The following EFEMP1 variants were observed in gnomAD, a reference collection of about 807,000 sequenced individuals.
EFEMP1 encodes EGF-containing fibulin-like extracellular matrix protein 1.
EFEMP1 carries 18 observed loss-of-function variants against 65.7 expected under a neutral mutation model. The ratio of observed to expected loss-of-function variants is 0.27; its 90% confidence interval spans 0.19 to 0.41. The LOEUF is 0.41. Ranked by LOEUF, EFEMP1 falls within the 10% of genes least tolerant of loss-of-function variation. The pLI, the probability that EFEMP1 is intolerant of heterozygous loss-of-function variation, is 1.00. For synonymous variants in EFEMP1, 237 were observed against 219.7 expected (o/e 1.08, Z -0.70); for missense variants, 469 against 624.8 (o/e 0.75, Z 2.66).
rs1442014392 is a variant in EFEMP1 at position 55,871,608 on chromosome 2, G to T, written c.1001-485C>A. On this transcript the variant is annotated intron_variant, in intron 9 of 11. Transcript: ENST00000355426. The surrounding 1 kb of genome is among the most constrained non-coding windows in gnomAD (Gnocchi z 4.2). ...AGAGGCATCTCAACGTGGCCTTGAA[G>T]GGTGGTGGTTAGATGGAGTTTTCAT... Among the ~76,000 whole-genome samples, 3 of 152,090 alleles carry T rather than the reference G, an allele frequency of 2.0e-5. No individual in the cohort carries two copies. The highest frequency in any genetic ancestry group is 7.2e-5 in the African/African-American group (3 of 41,438).
Position 55,895,666 on chromosome 2 carries a change from G to C in EFEMP1, c.518-13932C>G, listed in dbSNP as rs750474044. On this transcript the variant is annotated intron_variant, in intron 5 of 11. Coordinates refer to ENST00000355426, the MANE Select transcript of EFEMP1 (RefSeq NM_001039348.3). ...ACGCCATTCTCCTGCCTCAGCCTCC[G>C]GAGTAGCTGGGACTACAGGCGCCCG... 2.2e-3 allele frequency among the ~76,000 whole-genome samples: 332 copies of C among 151,108 alleles called. 1 individual carries two copies. Among genetic ancestry groups the C allele is most frequent in the Admixed American group, 6.9e-3 (105 of 15,132 alleles).
intron 6 of EFEMP1, among the ~76,000 whole-genome samples, chr2:55,879,918 G>A (rs955107981): frequency 1.3e-5 from 2 of 152,204 alleles, no homozygotes; most frequent in Non-Finnish European, 1.5e-5. Context: ...GAGAAGTACT[G>A]GCACAGGGGA....
chr2:55,909,841 T>G (rs76526889), intron 5 of EFEMP1, among the ~76,000 whole-genome samples: 6,039 of 152,258 alleles, frequency 0.04, 163 homozygotes, highest in Middle Eastern at 0.085. Context: ...ATTTGATAAC[T>G]CATGGGACAA....
chr2:55,877,333 T>G lies in EFEMP1; in HGVS notation c.760+413A>C, dbSNP rs1669075811. Among the ~76,000 whole-genome samples the G allele has an allele frequency of 6.6e-6, 1 of 152,196 alleles. No homozygotes were observed. Among genetic ancestry groups the G allele is most frequent in the Admixed American group, 6.6e-5 (1 of 15,266 alleles). On this transcript the variant is annotated intron_variant, in intron 7 of 11. Coordinates refer to ENST00000355426, the MANE Select transcript of EFEMP1 (RefSeq NM_001039348.3). This position sits in a 1 kb window ranked among gnomAD's most constrained non-coding sequence, Gnocchi z 4.5. ...AGATTTTTTCCATGTCATGCCAATC[T>G]TTTAATTGTGTGCCGTGACATTGCA...
chr2:55,918,654 C>T (rs569627568), intron 3 of EFEMP1, among the ~76,000 whole-genome samples: 1 of 149,022 alleles, frequency 6.7e-6, no homozygotes, highest in South Asian at 2.2e-4. Context: ...TCCTCGCCCT[C>T]TCCCCCGCCC....
intron 5 of EFEMP1, among the ~76,000 whole-genome samples, chr2:55,893,274 A>G (rs1669701597): frequency 6.6e-6 from 1 of 152,126 alleles, no homozygotes; most frequent in Non-Finnish European, 1.5e-5. Flanking sequence ...TTTTTTTACT[A>G]GCCTTATTAT....
Position 55,883,290 on chromosome 2 carries a change from T to C in EFEMP1, c.518-1556A>G, listed in dbSNP as rs2104394985. On this transcript the variant is annotated intron_variant, in intron 5 of 11. Transcript: ENST00000355426. This position sits in a 1 kb window ranked among gnomAD's most constrained non-coding sequence, Gnocchi z 4.5. ...TATTATAATTACTACTAGTATTATT[T>C]TCAAGTCAGTGATTACAAACTGTCC... 6.6e-6 allele frequency among the ~76,000 whole-genome samples: 1 copy of C among 152,344 alleles called. No individual in the cohort carries two copies. Among genetic ancestry groups the C allele is most frequent in the African/African-American group, 2.4e-5 (1 of 41,592 alleles).
Position 55,877,931 on chromosome 2 carries a change from A to G in EFEMP1, c.641-66T>C. 4 of 1,594,078 alleles carry G rather than the reference A, an allele frequency of 2.5e-6. No homozygotes were observed. Among genetic ancestry groups the G allele is most frequent in the Non-Finnish European group, 1.7e-6 (2 of 1,164,884 alleles). Reference sequence around the variant, plus strand: ...GAATTAGCATTCTCTGAAAAGCATTATCTAGAAAACCTATGTAGAGAAAAT... The same window carrying G: ...GAATTAGCATTCTCTGAAAAGCATTGTCTAGAAAACCTATGTAGAGAAAAT... On this transcript the variant is annotated intron_variant, in intron 6 of 11. Coordinates refer to ENST00000355426, the MANE Select transcript of EFEMP1 (RefSeq NM_001039348.3). The surrounding 1 kb of genome is among the most constrained non-coding windows in gnomAD (Gnocchi z 4.5).
At chr2:55,909,109 A>G (rs1290460394) in intron 5 of EFEMP1, among the ~76,000 whole-genome samples, 1 of 152,188 alleles carries the variant, frequency 6.6e-6, no homozygotes, top group African/African-American at 2.4e-5. Context: ...TTACTGATGG[A>G]CCACACTAAT....
At chr2:55,878,831 G>A (rs965257838) in intron 6 of EFEMP1, among the ~76,000 whole-genome samples, 1 of 152,144 alleles carries the variant, frequency 6.6e-6, no homozygotes, top group African/African-American at 2.4e-5. Flanking sequence ...TCTGTGAGTA[G>A]AATTATTGGG....
At chr2:55,908,520 G>A (rs1218795387) in intron 5 of EFEMP1, among the ~76,000 whole-genome samples, 1 of 152,036 alleles carries the variant, frequency 6.6e-6, no homozygotes, top group Non-Finnish European at 1.5e-5. Flanking sequence ...CTGTTGCATA[G>A]CATAGTGACT....
chr2:55,922,211 A>G lies in EFEMP1; in HGVS notation c.81+149T>C. Reference sequence around the variant, plus strand: ...GGATCAAGGGGGCAATTTACAACGAATCTTAGATATGAAGCATGAATGAAG... The same window carrying G: ...GGATCAAGGGGGCAATTTACAACGAGTCTTAGATATGAAGCATGAATGAAG... On this transcript the variant is annotated intron_variant, in intron 3 of 11. Transcript: ENST00000355426. This position sits in a 1 kb window ranked among gnomAD's most constrained non-coding sequence, Gnocchi z 5.5. The G allele has an allele frequency of 1.3e-6, 1 of 773,076 alleles. No homozygotes were observed. The highest frequency in any genetic ancestry group is 1.5e-5 in the South Asian group (1 of 68,874). The allele number at this position is 773,076 out of a possible 1,614,324, so 47.9% of individuals were successfully genotyped here.
chr2:55,878,271 T>C (rs1344303187), intron 6 of EFEMP1, among the ~76,000 whole-genome samples: 1 of 152,224 alleles, frequency 6.6e-6, no homozygotes, highest in African/African-American at 2.4e-5. Context: ...ACTGGTGACC[T>C]TGGCTAAGTC....
In EFEMP1 at chr2:55,922,161, T is replaced by C. The variant is rs1670926790; in HGVS notation, c.81+199A>G. 1 of 573,356 alleles carries C rather than the reference T, an allele frequency of 1.7e-6. No individual in the cohort carries two copies. Among genetic ancestry groups the C allele is most frequent in the Non-Finnish European group, 3.2e-6 (1 of 312,714 alleles). 35.5% of individuals were successfully genotyped at this position (573,356 alleles called of 1,614,324 possible). ...ATTACATGTTGGTTCCTATCTTAGG[T>C]GGTGAGCCCAATGAACTTTTGAAAG... On this transcript the variant is annotated intron_variant, in intron 3 of 11. Transcript: ENST00000355426. This position sits in a 1 kb window ranked among gnomAD's most constrained non-coding sequence, Gnocchi z 5.5.
At chr2:55,897,810 T>A (rs1669885297) in intron 5 of EFEMP1, among the ~76,000 whole-genome samples, 1 of 152,202 alleles carries the variant, frequency 6.6e-6, no homozygotes, top group Non-Finnish European at 1.5e-5. Flanking sequence ...ACTTGTTGCT[T>A]TCCTCTATCT....
At chr2:55,889,936 G>C (rs958086876) in intron 5 of EFEMP1, among the ~76,000 whole-genome samples, 1 of 151,852 alleles carries the variant, frequency 6.6e-6, no homozygotes, top group African/African-American at 2.4e-5. Context: ...AAATGTGCAG[G>C]ACAAATGAAA....
At chr2:55,906,416 G>T (rs1670278921) in intron 5 of EFEMP1, among the ~76,000 whole-genome samples, 1 of 152,036 alleles carries the variant, frequency 6.6e-6, no homozygotes, top group Non-Finnish European at 1.5e-5. Context: ...TAGGGACGGG[G>T]TTTCACCATG....
intron 5 of EFEMP1, among the ~76,000 whole-genome samples, chr2:55,892,422 T>A (rs1669662262): frequency 1.3e-5 from 2 of 152,132 alleles, no homozygotes; most frequent in African/African-American, 4.8e-5. Flanking sequence ...GGGGCCATGG[T>A]CATGGATCTC....
intron 11 of EFEMP1, among the ~76,000 whole-genome samples, chr2:55,869,370 C>G (rs1668712236): frequency 6.6e-6 from 1 of 152,016 alleles, no homozygotes. Flanking sequence ...AAAATTCATT[C>G]AGTGGAAATT....
Sources: allele counts gnomAD v4.1 joint callset (sites outside exome capture counted in the v4.1 genomes callset), GRCh38; gene constraint gnomAD v4.1.1; non-coding constraint Gnocchi (gnomAD v3.1); transcripts MANE v1.5; gene names NCBI Gene and HGNC (gene_info 2026-07-23, HGNC 2026-07-21).